TINAGL1: variants seen among roughly 807,000 people sequenced by gnomAD.
TINAGL1 encodes the protein tubulointerstitial nephritis antigen-like.
Under a neutral mutation model 62.0 loss-of-function variants are expected in TINAGL1, and 34 were observed. That is an observed-to-expected ratio of 0.55 (90% CI 0.42 to 0.73). The LOEUF is 0.73. Among genes scored for constraint, TINAGL1 ranks in the 30% least tolerant of loss-of-function variants. The probability of loss-of-function intolerance (pLI) is 0.00; values close to 1 mark genes in which losing one functional copy is unlikely to be tolerated. For missense variants in TINAGL1, 516 were observed against 653.2 expected, an observed-to-expected ratio of 0.79 and a Z score of 2.29; for synonymous variants, 221 against 249.7, an observed-to-expected ratio of 0.88 and a Z score of 1.08.
At chr1:31,582,311 G>A (rs914571516) in intron 3 of TINAGL1, among the ~76,000 whole-genome samples, 11 of 141,216 alleles carry the variant, frequency 7.8e-5, no homozygotes, top group Admixed American at 7.4e-4. Context: ...CTGGGCAACA[G>A]AGCAAGACCC....
chr1:31,584,602 C>T lies in TINAGL1; in HGVS notation c.583-76C>T. 1 of 1,601,882 alleles carries T rather than the reference C, an allele frequency of 6.2e-7. No homozygotes were observed. Among genetic ancestry groups the T allele is most frequent in the East Asian group, 2.2e-5 (1 of 44,706 alleles). On this transcript the variant is annotated intron_variant, in intron 5 of 11. Transcript: ENST00000271064. This position sits in a 1 kb window ranked among gnomAD's most constrained non-coding sequence, Gnocchi z 4.0. The stretch of plus-strand genomic sequence containing the variant: ...TGCAGAAGGCCCTGGACTTGGTGGC[C>T]CTCCAGTGCCAATGGGCACCTGAGG...
At chr1:31,582,528 C>A (rs968769561) in intron 3 of TINAGL1, among the ~76,000 whole-genome samples, 3 of 151,980 alleles carry the variant, frequency 2.0e-5, no homozygotes, top group Admixed American at 2.0e-4. Flanking sequence ...GGCAGAGGAA[C>A]GACATGATAT....
At position 31,583,423 on chromosome 1, in the gene TINAGL1, G is replaced by T; in HGVS notation, c.468-38G>T. ...ACCCACGCCAAGGACCCTGAGCCTCGGCAGATCTGTGACTTCCTTCCGTCC... is the reference window on the plus strand; with the variant it reads ...ACCCACGCCAAGGACCCTGAGCCTCTGCAGATCTGTGACTTCCTTCCGTCC... On this transcript the variant is annotated intron_variant, in intron 4 of 11. Transcript: ENST00000271064. The surrounding 1 kb of genome is among the most constrained non-coding windows in gnomAD (Gnocchi z 4.4). The T allele has an allele frequency of 6.3e-7, 1 of 1,593,180 alleles. No individual in the cohort carries two copies.
Position 31,585,130 on chromosome 1 carries a change from T to A in TINAGL1, c.858-21T>A, listed in dbSNP as rs1279440886. The A allele has an allele frequency of 6.4e-7, 1 of 1,565,178 alleles. No homozygotes were observed. The highest frequency in any genetic ancestry group is 1.2e-5 in the South Asian group (1 of 84,080). On this transcript the variant is annotated intron_variant, in intron 7 of 11. Coordinates refer to ENST00000271064, the MANE Select transcript of TINAGL1 (RefSeq NM_022164.3). This position sits in a 1 kb window ranked among gnomAD's most constrained non-coding sequence, Gnocchi z 4.3. ...ATGCACTGAGTCTTTCTGCCTTTGC[T>A]CCCTCTTGCTGCCTTTGCAGGGTGG... is the stretch of plus-strand genomic sequence containing the variant.
chr1:31,585,443 A>AAGG lies in TINAGL1; in HGVS notation c.1054_1056dup (p.Glu352dup). On this transcript the variant is annotated inframe_insertion, in exon 9 of 12. Coordinates refer to ENST00000271064, the MANE Select transcript of TINAGL1 (RefSeq NM_022164.3). This position sits in a 1 kb window ranked among gnomAD's most constrained non-coding sequence, Gnocchi z 4.3. ...CTGTCCATCCCCTGCCCTCCAGGACAAGGAGATCATGAAGGAGCTGATGGA... is the reference window on the plus strand; with the variant it reads ...CTGTCCATCCCCTGCCCTCCAGGACAAGGAGGAGATCATGAAGGAGCTGATGGA... 1 of 1,614,164 alleles carries AAGG rather than the reference A, an allele frequency of 6.2e-7. No individual in the cohort carries two copies. Among genetic ancestry groups the AAGG allele is most frequent in the Non-Finnish European group, 8.5e-7 (1 of 1,180,006 alleles).
In TINAGL1 at chr1:31,585,695, A is replaced by G; in HGVS notation, c.1094-58A>G. ...TGCCTGGGCACATCTCAATAGACTC[A>G]GGCTCCAGTGCCTGTGCCAACGGGC... On this transcript the variant is annotated intron_variant, in intron 9 of 11. Transcript: ENST00000271064. This position sits in a 1 kb window ranked among gnomAD's most constrained non-coding sequence, Gnocchi z 4.3. 1 of 1,581,690 alleles carries G rather than the reference A, an allele frequency of 6.3e-7. No individual in the cohort carries two copies. The highest frequency in any genetic ancestry group is 8.6e-7 in the Non-Finnish European group (1 of 1,162,996).
rs1274203040 is a variant in TINAGL1, at chr1:31,587,344, G to C, written c.*365G>C. The C allele has an allele frequency of 5.9e-6, 1 of 170,924 alleles. No homozygotes were observed. Among genetic ancestry groups the C allele is most frequent in the African/African-American group, 2.4e-5 (1 of 41,602 alleles). 10.6% of individuals were successfully genotyped at this position (170,924 alleles called of 1,614,324 possible). The stretch of plus-strand genomic sequence containing the variant: ...ATTCTTTTTTTTTTTTTTTTAGACA[G>C]GGTCTTGCTCCGTTGCCCAGGTTGG... On this transcript the variant is annotated 3_prime_UTR_variant, in exon 12 of 12. Coordinates refer to ENST00000271064, the MANE Select transcript of TINAGL1 (RefSeq NM_022164.3).
At position 31,584,931 on chromosome 1, in the gene TINAGL1, C is replaced by T. The variant is rs765424928; in HGVS notation, c.752C>T (p.Thr251Met). ...TCAATCCATTCTCTGGGACACATGACGCCTGTCCTGTCGCCCCAGAACCTG... is the reference window on the plus strand; with the variant it reads ...TCAATCCATTCTCTGGGACACATGATGCCTGTCCTGTCGCCCCAGAACCTG... Reference protein sequence around the residue: ...RVSIHSLGHMTPVLSPQNLLS... With the variant: ...RVSIHSLGHMMPVLSPQNLLS... The change falls in exon 7 of 12, where the codon ACG becomes ATG. Residue 251 changes from threonine to methionine, a missense_variant. Transcript: ENST00000271064. This position sits in a 1 kb window ranked among gnomAD's most constrained non-coding sequence, Gnocchi z 4.0. 2.5e-5 allele frequency: 40 copies of T among 1,612,022 alleles called. No homozygotes were observed. Among genetic ancestry groups the T allele is most frequent in the Admixed American group, 1.2e-4 (7 of 59,962 alleles).
chr1:31,586,353 T>G (rs939666365), intron 10 of TINAGL1: 2 of 463,732 alleles, frequency 4.3e-6, no homozygotes, highest in Non-Finnish European at 7.8e-6. Context: ...CTTCTGGCCC[T>G]TGGCACCTAC....
chr1:31,581,973 G>T (rs1010485663), intron 3 of TINAGL1, among the ~76,000 whole-genome samples: 1 of 152,128 alleles, frequency 6.6e-6, no homozygotes, highest in Admixed American at 6.5e-5. Flanking sequence ...TTTCCTAGGC[G>T]CTGAAAATAC....
At chr1:31,579,167 G>A in intron 2 of TINAGL1, 37 bp from the exon 3 acceptor site, 2 of 1,588,848 alleles carry the variant, frequency 1.3e-6, no homozygotes, top group Non-Finnish European at 1.7e-6. Context: ...ATCCTCTCTG[G>A]TTCTGGTTCC....
Position 31,583,378 on chromosome 1 carries a change from C to T in TINAGL1, c.468-83C>T, listed in dbSNP as rs1570212520. The T allele has an allele frequency of 4.1e-6, 6 of 1,465,138 alleles. No homozygotes were observed. The highest frequency in any genetic ancestry group is 2.4e-5 in the East Asian group (1 of 42,374). 90.8% of individuals were successfully genotyped at this position (1,465,138 alleles called of 1,614,324 possible). Reference sequence around the variant, plus strand: ...ACTGTGTGTGCGCTCAGCCACTGTGCGTCTCTCCCACCCACATGCACCCAC... The same window carrying T: ...ACTGTGTGTGCGCTCAGCCACTGTGTGTCTCTCCCACCCACATGCACCCAC... On this transcript the variant is annotated intron_variant, in intron 4 of 11. Coordinates refer to ENST00000271064, the MANE Select transcript of TINAGL1 (RefSeq NM_022164.3). The surrounding 1 kb of genome is among the most constrained non-coding windows in gnomAD (Gnocchi z 4.4).
rs1346627743 is a variant in TINAGL1, at chr1:31,583,031, A to G, written c.375-118A>G. 2 of 854,962 alleles carry G rather than the reference A, an allele frequency of 2.3e-6. No individual in the cohort carries two copies. The highest frequency in any genetic ancestry group is 4.0e-6 in the Non-Finnish European group (2 of 505,546). 53.0% of individuals were successfully genotyped at this position (854,962 alleles called of 1,614,324 possible). On this transcript the variant is annotated intron_variant, in intron 3 of 11. Transcript: ENST00000271064. The surrounding 1 kb of genome is among the most constrained non-coding windows in gnomAD (Gnocchi z 4.4). ...CACCAGGCTGGATGGGATCACCTAG[A>G]GATTCTCCCACAGTCACTTGCACAG... is the stretch of plus-strand genomic sequence containing the variant.
rs576188446 is a variant in TINAGL1 at position 31,585,601 on chromosome 1, A to G, written c.1093+116A>G. ...CAGCATGTCCAGTAGGGCCAGGAGT[A>G]GGGGTCCCCCCCTCCCACAGGCAGC... On this transcript the variant is annotated intron_variant, in intron 9 of 11. Coordinates refer to ENST00000271064, the MANE Select transcript of TINAGL1 (RefSeq NM_022164.3). The surrounding 1 kb of genome is among the most constrained non-coding windows in gnomAD (Gnocchi z 4.3). 1 of 1,542,020 alleles carries G rather than the reference A, an allele frequency of 6.5e-7. No individual in the cohort carries two copies. Among genetic ancestry groups the G allele is most frequent in the East Asian group, 2.3e-5 (1 of 44,312 alleles).
Position 31,584,680 on chromosome 1 carries a change from A to C in TINAGL1, c.585A>C (p.Thr195=). 3.1e-6 allele frequency: 5 copies of C among 1,613,416 alleles called. No individual in the cohort carries two copies. The highest frequency in any genetic ancestry group is 4.2e-6 in the Non-Finnish European group (5 of 1,180,030). The part of the protein sequence containing the change: ...SSVMNMHEIY[T]VLNPGEVLPT... ...ACAGGGCAACCTTTATCTTGCAGACAGTGCTGAACCCAGGGGAGGTGCTTC... is the reference window on the plus strand; with the variant it reads ...ACAGGGCAACCTTTATCTTGCAGACCGTGCTGAACCCAGGGGAGGTGCTTC... Residue 195 remains threonine, a splice_region_variant and synonymous_variant, in exon 6 of 12, where the codon ACA becomes ACC. Coordinates refer to ENST00000271064, the MANE Select transcript of TINAGL1 (RefSeq NM_022164.3). The surrounding 1 kb of genome is among the most constrained non-coding windows in gnomAD (Gnocchi z 4.0).
At chr1:31,580,642 G>A in intron 3 of TINAGL1, 1 of 1,289,290 alleles carries the variant, frequency 7.8e-7, no homozygotes, top group Non-Finnish European at 1.0e-6. Context: ...CTGGGTCTTG[G>A]CTCCCCTTGA....
chr1:31,587,003 C>G lies in TINAGL1; in HGVS notation c.*24C>G. 6.9e-7 allele frequency: 1 copy of G among 1,444,318 alleles called. No individual in the cohort carries two copies. Among genetic ancestry groups the G allele is most frequent in the Non-Finnish European group, 9.1e-7 (1 of 1,101,750 alleles). The allele number at this position is 1,444,318 out of a possible 1,614,324, so 89.5% of individuals were successfully genotyped here. On this transcript the variant is annotated 3_prime_UTR_variant, in exon 12 of 12. Coordinates refer to ENST00000271064, the MANE Select transcript of TINAGL1 (RefSeq NM_022164.3). ...GAGGCTGCGGGCACCACGCGGGGTCCGGCCTGGGATCCAGGCTAAGGGCCG... is the reference window on the plus strand; with the variant it reads ...GAGGCTGCGGGCACCACGCGGGGTCGGGCCTGGGATCCAGGCTAAGGGCCG...
At position 31,585,586 on chromosome 1, in the gene TINAGL1, A is replaced by G. The variant is rs545611476; in HGVS notation, c.1093+101A>G. 6 of 1,561,098 alleles carry G rather than the reference A, an allele frequency of 3.8e-6. No individual in the cohort carries two copies. Among genetic ancestry groups the G allele is most frequent in the Non-Finnish European group, 5.2e-6 (6 of 1,148,532 alleles). ...CTGCACAGCATTCAGCAGCATGTCC[A>G]GTAGGGCCAGGAGTAGGGGTCCCCC... On this transcript the variant is annotated intron_variant, in intron 9 of 11. Coordinates refer to ENST00000271064, the MANE Select transcript of TINAGL1 (RefSeq NM_022164.3). The surrounding 1 kb of genome is among the most constrained non-coding windows in gnomAD (Gnocchi z 4.3).
At position 31,585,543 on chromosome 1, in the gene TINAGL1, C is replaced by T; in HGVS notation, c.1093+58C>T. 1 of 1,605,680 alleles carries T rather than the reference C, an allele frequency of 6.2e-7. No individual in the cohort carries two copies. Among genetic ancestry groups the T allele is most frequent in the Non-Finnish European group, 8.5e-7 (1 of 1,174,936 alleles). ...AAGCTTGTGCCTGCTTGAGAGTGGG[C>T]ACAGTAGCACAAGTGGCCTGCACAG... On this transcript the variant is annotated intron_variant, in intron 9 of 11. Coordinates refer to ENST00000271064, the MANE Select transcript of TINAGL1 (RefSeq NM_022164.3). This position sits in a 1 kb window ranked among gnomAD's most constrained non-coding sequence, Gnocchi z 4.3.
Sources: allele counts gnomAD v4.1 joint callset (sites outside exome capture counted in the v4.1 genomes callset), GRCh38; gene constraint gnomAD v4.1.1; non-coding constraint Gnocchi (gnomAD v3.1); transcripts MANE v1.5; gene names NCBI Gene and HGNC (gene_info 2026-07-23, HGNC 2026-07-21).